Variants in KCNQ1 observed in about 807,000 individuals in gnomAD.
KCNQ1 encodes the protein potassium voltage-gated channel subfamily KQT member 1.
KCNQ1 carries 49 observed loss-of-function variants against 72.4 expected under a neutral mutation model. That is an observed-to-expected ratio of 0.68 (90% CI 0.54 to 0.86). The LOEUF is 0.86. KCNQ1 is among the 40% of genes least tolerant of loss of function. KCNQ1 has a pLI of 0.00. For synonymous variants in KCNQ1, 450 were observed against 412.6 expected, an observed-to-expected ratio of 1.09 and a Z score of -1.10; for missense variants, 790 against 945.1, an observed-to-expected ratio of 0.84 and a Z score of 2.15.
At position 2,509,636 on chromosome 11, in the gene KCNQ1, G is replaced by C. The variant is rs1344952936; in HGVS notation, c.387-18292G>C. ...CCCAGATGGCCACGGAGGTGTCAGCGTTTCACTCCCAGCACGTCACGCCAC... is the reference window on the plus strand; with the variant it reads ...CCCAGATGGCCACGGAGGTGTCAGCCTTTCACTCCCAGCACGTCACGCCAC... On this transcript the variant is annotated intron_variant, in intron 1 of 15. Coordinates refer to ENST00000155840, the MANE Select transcript of KCNQ1 (RefSeq NM_000218.3). The surrounding 1 kb of genome is among the most constrained non-coding windows in gnomAD (Gnocchi z 6.3). Among the ~76,000 whole-genome samples, 1 of 152,146 alleles carries C rather than the reference G, an allele frequency of 6.6e-6. No individual in the cohort carries two copies. The highest frequency in any genetic ancestry group is 1.5e-5 in the Non-Finnish European group (1 of 68,040).
In KCNQ1 at chr11:2,651,939, C is replaced by T. The variant is rs574624989; in HGVS notation, c.1394-10022C>T. 2.5e-6 allele frequency: 1 copy of T among 398,704 alleles called. No individual in the cohort carries two copies. Among genetic ancestry groups the T allele is most frequent in the South Asian group, 1.3e-4 (1 of 7,854 alleles). 24.7% of individuals were successfully genotyped at this position (398,704 alleles called of 1,614,324 possible). A position where few individuals can be genotyped will look rare whatever the true frequency, so the allele number is the denominator to read the frequency against. ...TTGCTCTCCTCCTACTCACAGCCCT[C>T]CTGCAGCCAGCAGCAGTGGGGGAGC... On this transcript the variant is annotated intron_variant, in intron 10 of 15. Transcript: ENST00000155840. The surrounding 1 kb of genome is among the most constrained non-coding windows in gnomAD (Gnocchi z 6.1).
At chr11:2,545,998 T>G (rs1847898106) in intron 2 of KCNQ1, among the ~76,000 whole-genome samples, 1 of 152,138 alleles carries the variant, frequency 6.6e-6, no homozygotes, top group Admixed American at 6.5e-5. Context: ...TTTTTGGTTA[T>G]TTGATTAATT....
intron 1 of KCNQ1, chr11:2,521,637 C>T (rs1055897650): frequency 3.0e-5 from 13 of 428,706 alleles, no homozygotes; most frequent in African/African-American, 2.7e-4. Flanking sequence ...GCCCACGTGT[C>T]TTTGCACGTG....
Position 2,813,958 on chromosome 11 carries a change from G to A in KCNQ1, c.1795-33809G>A, listed in dbSNP as rs1564903069. On this transcript the variant is annotated intron_variant, in intron 15 of 15. Coordinates refer to ENST00000155840, the MANE Select transcript of KCNQ1 (RefSeq NM_000218.3). This position sits in a 1 kb window ranked among gnomAD's most constrained non-coding sequence, Gnocchi z 4.4. ...TAGATGAATGGATAAAGAGGTGAAAGGATGAATAGAGAGATGGAGGGAAGG... is the reference window on the plus strand; with the variant it reads ...TAGATGAATGGATAAAGAGGTGAAAAGATGAATAGAGAGATGGAGGGAAGG... Among the ~76,000 whole-genome samples the A allele has an allele frequency of 6.6e-6, 1 of 151,956 alleles. No homozygotes were observed. Among genetic ancestry groups the A allele is most frequent in the Non-Finnish European group, 1.5e-5 (1 of 67,980 alleles).
intron 1 of KCNQ1, among the ~76,000 whole-genome samples, chr11:2,472,472 C>T (rs531169662): frequency 1.3e-5 from 2 of 152,156 alleles, no homozygotes; most frequent in Admixed American, 6.5e-5. Flanking sequence ...CTGGAAAGAA[C>T]TGGAGAGGCT....
chr11:2,682,400 C>A lies in KCNQ1; in HGVS notation c.1514+20319C>A, dbSNP rs887722791. The A allele has an allele frequency of 3.0e-5, 12 of 398,494 alleles. No homozygotes were observed. The Admixed American group carries it at 4.4e-4, about 15-fold the overall frequency. 24.7% of individuals were successfully genotyped at this position (398,494 alleles called of 1,614,324 possible). A position where few individuals can be genotyped will look rare whatever the true frequency, so the allele number is the denominator to read the frequency against. ...CAAGGAGCATGAGGGTATAGGCTGG[C>A]TGTTTCTATTCAGTGTTTTATCTTC... On this transcript the variant is annotated intron_variant, in intron 11 of 15. Transcript: ENST00000155840. This position sits in a 1 kb window ranked among gnomAD's most constrained non-coding sequence, Gnocchi z 5.8.
intron 11 of KCNQ1, among the ~76,000 whole-genome samples, chr11:2,722,918 A>G (rs895231933): frequency 2.0e-5 from 3 of 152,104 alleles, no homozygotes; most frequent in South Asian, 2.1e-4. Context: ...GGGTGGGGGC[A>G]TGTGTCACTC....
chr11:2,749,967 A>T lies in KCNQ1; in HGVS notation c.1515-18877A>T, dbSNP rs539046469. Reference sequence around the variant, plus strand: ...AGAGTGAGACTCTGTCTCCAAAAAAAAAAAAATAAAAAGTACAGGGGCTCT... The same window carrying T: ...AGAGTGAGACTCTGTCTCCAAAAAATAAAAAATAAAAAGTACAGGGGCTCT... On this transcript the variant is annotated intron_variant, in intron 11 of 15. Transcript: ENST00000155840. Among the ~76,000 whole-genome samples, 319 of 152,208 alleles carry T rather than the reference A, an allele frequency of 2.1e-3. 1 individual carries two copies. The highest frequency in any genetic ancestry group is 4.8e-3 in the African/African-American group (199 of 41,536).
At chr11:2,582,246 C>T (rs1848511796) in intron 6 of KCNQ1, among the ~76,000 whole-genome samples, 1 of 152,212 alleles carries the variant, frequency 6.6e-6, no homozygotes, top group South Asian at 2.1e-4. Context: ...TGCGCCTGTG[C>T]ACCCCTGCCC....
chr11:2,842,207 CA>C (rs1564913816), intron 15 of KCNQ1, among the ~76,000 whole-genome samples: 1 of 152,056 alleles, frequency 6.6e-6, no homozygotes, highest in African/African-American at 2.4e-5. Flanking sequence ...AGCCTGAGCA[CA>C]GGGGCTGCCA....
Position 2,828,509 on chromosome 11 carries a change from G to A in KCNQ1, c.1795-19258G>A, listed in dbSNP as rs117976227. On this transcript the variant is annotated intron_variant, in intron 15 of 15. Transcript: ENST00000155840. The surrounding 1 kb of genome is among the most constrained non-coding windows in gnomAD (Gnocchi z 5.3). ...GAGACTGGCCTAGGAGACTGGAGAG[G>A]GTAGACACCAAGCCCTGCAGGAAGA... Among the ~76,000 whole-genome samples, 963 of 152,172 alleles carry A rather than the reference G, an allele frequency of 6.3e-3. 4 individuals carry two copies. The highest frequency in any genetic ancestry group is 0.022 in the South Asian group (105 of 4,808).
intron 11 of KCNQ1, among the ~76,000 whole-genome samples, chr11:2,743,877 C>T (rs1369399738): frequency 6.6e-5 from 10 of 152,332 alleles, no homozygotes; most frequent in Admixed American, 5.9e-4. Context: ...GATATTTCAG[C>T]GGGAGGTAAA....
rs373245853 is a variant in KCNQ1, at chr11:2,459,696, C to T, written c.386+14212C>T. On this transcript the variant is annotated intron_variant, in intron 1 of 15. Transcript: ENST00000155840. The stretch of plus-strand genomic sequence containing the variant: ...CGTGGTCCCTCCCCCCAGACCACCC[C>T]GGAGGCCCCCTCCGCCCTCCTGCCT... 2.1e-3 allele frequency among the ~76,000 whole-genome samples: 315 copies of T among 152,178 alleles called. 3 individuals are homozygous for T. The highest frequency in any genetic ancestry group is 6.8e-3 in the African/African-American group (282 of 41,514).
Position 2,782,484 on chromosome 11 carries a change from C to T in KCNQ1, c.1794+4447C>T, listed in dbSNP as rs1846840187. 2.0e-5 allele frequency among the ~76,000 whole-genome samples: 3 copies of T among 152,178 alleles called. No homozygotes were observed. The highest frequency in any genetic ancestry group is 7.2e-5 in the African/African-American group (3 of 41,436). On this transcript the variant is annotated intron_variant, in intron 15 of 15. Coordinates refer to ENST00000155840, the MANE Select transcript of KCNQ1 (RefSeq NM_000218.3). This position sits in a 1 kb window ranked among gnomAD's most constrained non-coding sequence, Gnocchi z 6.1. ...CACAGACTAACTTAAGAAGTGTTCC[C>T]TCTTTTCCTATATTGGGATATTTTG...
In KCNQ1 at chr11:2,784,663, A is replaced by G. The variant is rs1846880546; in HGVS notation, c.1794+6626A>G. 6.6e-6 allele frequency among the ~76,000 whole-genome samples: 1 copy of G among 151,950 alleles called. No individual in the cohort carries two copies. Among genetic ancestry groups the G allele is most frequent in the Non-Finnish European group, 1.5e-5 (1 of 67,806 alleles). ...AAATTGAGTATTGTAATCAATGAACATGGTATATCCCTCCATTTATTTGAT... is the reference window on the plus strand; with the variant it reads ...AAATTGAGTATTGTAATCAATGAACGTGGTATATCCCTCCATTTATTTGAT... On this transcript the variant is annotated intron_variant, in intron 15 of 15. Transcript: ENST00000155840. This position sits in a 1 kb window ranked among gnomAD's most constrained non-coding sequence, Gnocchi z 4.7.
At position 2,710,489 on chromosome 11, in the gene KCNQ1, C is replaced by G. The variant is rs1226936040; in HGVS notation, c.1514+48408C>G. Among the ~76,000 whole-genome samples the G allele has an allele frequency of 6.6e-6, 1 of 152,044 alleles. No individual in the cohort carries two copies. The highest frequency in any genetic ancestry group is 2.4e-5 in the African/African-American group (1 of 41,374). On this transcript the variant is annotated intron_variant, in intron 11 of 15. Transcript: ENST00000155840. The surrounding 1 kb of genome is among the most constrained non-coding windows in gnomAD (Gnocchi z 4.1). ...AAAGGTTTTTAATTTTGATGAAGTT[C>G]AATTTATCTGTTTCTTTCTTTGGAT...
chr11:2,736,875 T>A (rs927240372), intron 11 of KCNQ1, among the ~76,000 whole-genome samples: 1 of 152,144 alleles, frequency 6.6e-6, no homozygotes, highest in African/African-American at 2.4e-5. Flanking sequence ...GACCCCACAG[T>A]CACAGGTGGG....
intron 12 of KCNQ1, among the ~76,000 whole-genome samples, chr11:2,773,825 GGAGATGCTACCAGGTACAA>G (rs1846644649): frequency 6.6e-6 from 1 of 150,442 alleles, no homozygotes. Context: ...CCATCTTACA[GGAGATGCTACCAGGTACAA>G]GAGATGCTAC....
chr11:2,641,669 T>G (rs1226917077), intron 10 of KCNQ1: 1 of 398,358 alleles, frequency 2.5e-6, no homozygotes, highest in Non-Finnish European at 4.4e-6. Context: ...TTTTTGTTTT[T>G]GTCTGTGTTT....
Sources: allele counts gnomAD v4.1 joint callset (sites outside exome capture counted in the v4.1 genomes callset), GRCh38; gene constraint gnomAD v4.1.1; non-coding constraint Gnocchi (gnomAD v3.1); transcripts MANE v1.5; gene names NCBI Gene and HGNC (gene_info 2026-07-23, HGNC 2026-07-21).